The following DLG2 variants were observed in gnomAD, a reference collection of about 807,000 sequenced individuals.
DLG2 encodes discs large MAGUK scaffold protein 2.
Under a neutral mutation model 132.5 loss-of-function variants are expected in DLG2, and 45 were observed. That is an observed-to-expected ratio of 0.34 (90% confidence interval 0.27 to 0.44). The LOEUF (loss-of-function observed/expected upper bound fraction) is 0.44. Ranked by LOEUF, DLG2 falls within the 20% of genes least tolerant of loss-of-function variation. DLG2 has a pLI of 1.00. For synonymous variants in DLG2, 424 were observed against 419.6 expected (o/e 1.01, Z -0.13); for missense variants, 1,045 against 1,196.9 (o/e 0.87, Z 1.87).
intron 18 of DLG2, among the ~76,000 whole-genome samples, chr11:83,663,108 CCTGA>C (rs993948262): frequency 2.0e-5 from 3 of 152,208 alleles, no homozygotes; most frequent in East Asian, 1.9e-4. Flanking sequence ...TATCTATTTT[CCTGA>C]CTAATTTAAT....
chr11:84,821,627 T>TAAAA (rs770947930), intron 6 of DLG2, among the ~76,000 whole-genome samples: 1 of 70,940 alleles, frequency 1.4e-5, no homozygotes, highest in Non-Finnish European at 3.2e-5. Context: ...TCATACAATG[T>TAAAA]AAAAAAAAAA....
rs1375628390 is a variant in DLG2, at chr11:85,154,546, T to C, written c.282+10A>G. On this transcript the variant is annotated intron_variant, in intron 5 of 27. Coordinates refer to ENST00000376104, the MANE Select transcript of DLG2 (RefSeq NM_001142699.3). ...AGCCTAGTAAGAAAAGAAAACAGTA[T>C]AACACTTACAGTTGTCGTCTCATCA... 7.4e-7 allele frequency: 1 copy of C among 1,350,962 alleles called. No homozygotes were observed. Among genetic ancestry groups the C allele is most frequent in the East Asian group, 2.5e-5 (1 of 39,900 alleles). 83.7% of individuals were successfully genotyped at this position (1,350,962 alleles called of 1,614,324 possible).
chr11:84,747,501 G>T lies in DLG2; in HGVS notation c.358-212770C>A, dbSNP rs1035804882. 4.6e-5 allele frequency among the ~76,000 whole-genome samples: 7 copies of T among 152,276 alleles called. No homozygotes were observed. The Middle Eastern group carries it at 0.01, about 222-fold the overall frequency. Reference sequence around the variant, plus strand: ...TAGTTTTGTAATAAACTAGATATGTGATCTTGGGCAACTTAGAGACATTCC... The same window carrying T: ...TAGTTTTGTAATAAACTAGATATGTTATCTTGGGCAACTTAGAGACATTCC... On this transcript the variant is annotated intron_variant, in intron 6 of 27. Coordinates refer to ENST00000376104, the MANE Select transcript of DLG2 (RefSeq NM_001142699.3).
intron 2 of DLG2, among the ~76,000 whole-genome samples, chr11:85,618,591 A>G (rs1324772306): frequency 6.6e-6 from 1 of 152,166 alleles, no homozygotes; most frequent in African/African-American, 2.4e-5. Context: ...GACAGGAACA[A>G]TAGACACTAC....
In DLG2 at chr11:85,259,505, C is replaced by T. The variant is rs2076833555; in HGVS notation, c.186+25715G>A. On this transcript the variant is annotated intron_variant, in intron 4 of 27. Coordinates refer to ENST00000376104, the MANE Select transcript of DLG2 (RefSeq NM_001142699.3). ...TTAAGACTAATTCCACCATGTCAGC[C>T]ATGGACAATCCAGCTGACCCTCCCA... Among the ~76,000 whole-genome samples the T allele has an allele frequency of 2.0e-5, 3 of 152,048 alleles. No individual in the cohort carries two copies. In the South Asian group the frequency reaches 6.2e-4, roughly 32 times the overall value.
chr11:83,878,997 ACT>A (rs1458208862), intron 15 of DLG2, among the ~76,000 whole-genome samples: 1 of 152,090 alleles, frequency 6.6e-6, no homozygotes, highest in African/African-American at 2.4e-5. Flanking sequence ...CTTTCCAAGA[ACT>A]CTCTGATTTT....
In DLG2 at chr11:84,896,625, C is replaced by T. The variant is rs548733619; in HGVS notation, c.357+215036G>A. Among the ~76,000 whole-genome samples the T allele has an allele frequency of 1.6e-4, 24 of 152,116 alleles. No homozygotes were observed. The South Asian group carries it at 4.8e-3, about 30-fold the overall frequency. On this transcript the variant is annotated intron_variant, in intron 6 of 27. Coordinates refer to ENST00000376104, the MANE Select transcript of DLG2 (RefSeq NM_001142699.3). The stretch of plus-strand genomic sequence containing the variant: ...ATGATGCATATGAAAACAGCATAAA[C>T]AGAGATAGTAGTTGCCACTTATCCA...
intron 3 of DLG2, among the ~76,000 whole-genome samples, chr11:85,422,755 T>C (rs955940270): frequency 2.6e-5 from 4 of 152,074 alleles, no homozygotes; most frequent in Non-Finnish European, 4.4e-5. Flanking sequence ...CCTCCCAAGG[T>C]TCTAGGACTA....
At chr11:85,324,424 G>T (rs549726023) in intron 3 of DLG2, among the ~76,000 whole-genome samples, 68 of 152,210 alleles carry the variant, frequency 4.5e-4, no homozygotes, top group African/African-American at 1.6e-3. Flanking sequence ...TATATGTTGA[G>T]TTGAATTTAA....
intron 4 of DLG2, among the ~76,000 whole-genome samples, chr11:85,177,437 A>C (rs2079370310): frequency 6.6e-6 from 1 of 152,066 alleles, no homozygotes; most frequent in African/African-American, 2.4e-5. Flanking sequence ...ACCAAATACC[A>C]CATGTTCTCA....
intron 10 of DLG2, among the ~76,000 whole-genome samples, chr11:84,073,899 C>A (rs895040644): frequency 2.6e-5 from 4 of 152,140 alleles, no homozygotes. Context: ...AAAAGCCAAC[C>A]AACATATACG....
chr11:84,970,944 C>A (rs3911271), intron 6 of DLG2, among the ~76,000 whole-genome samples: 77,952 of 151,920 alleles, frequency 0.51, 20,492 homozygotes, highest in East Asian at 0.64. Context: ...ATTTTCAATA[C>A]TTATTGAATA....
At chr11:84,471,961 A>G (rs1484712073) in intron 7 of DLG2, among the ~76,000 whole-genome samples, 1 of 151,638 alleles carries the variant, frequency 6.6e-6, no homozygotes. Flanking sequence ...TTTAAAATTA[A>G]GGAAAAAAAA....
At chr11:83,651,772 A>G (rs887292078) in intron 18 of DLG2, 1 of 467,672 alleles carries the variant, frequency 2.1e-6, no homozygotes, top group Admixed American at 2.4e-5. Flanking sequence ...TCTAATAGGG[A>G]GACATGTAAA....
chr11:85,399,310 GC>G (rs554676320), intron 3 of DLG2, among the ~76,000 whole-genome samples: 134 of 152,290 alleles, frequency 8.8e-4, no homozygotes, highest in African/African-American at 3.1e-3. Context: ...AACATTCCAT[GC>G]TCATGGGTAG....
chr11:84,107,821 T>C (rs2093073474), intron 9 of DLG2, among the ~76,000 whole-genome samples: 1 of 152,170 alleles, frequency 6.6e-6, no homozygotes, highest in East Asian at 1.9e-4. Context: ...GGGAAAGGTC[T>C]AGAATGAAGT....
At chr11:84,762,919 C>T (rs1236336659) in intron 6 of DLG2, among the ~76,000 whole-genome samples, 1 of 152,006 alleles carries the variant, frequency 6.6e-6, no homozygotes, top group East Asian at 1.9e-4. Flanking sequence ...GACACAGATG[C>T]ATGGAAGGTT....
intron 7 of DLG2, among the ~76,000 whole-genome samples, chr11:84,521,643 G>A (rs1292061317): frequency 6.6e-6 from 1 of 152,110 alleles, no homozygotes; most frequent in East Asian, 1.9e-4. Flanking sequence ...CTAAACTAAA[G>A]CAAGGTATCA....
At position 84,848,936 on chromosome 11, in the gene DLG2, A is replaced by G. The variant is rs76032092; in HGVS notation, c.357+262725T>C. 3.9e-3 allele frequency among the ~76,000 whole-genome samples: 589 copies of G among 152,318 alleles called. 2 individuals carry two copies. The highest frequency in any genetic ancestry group is 3.2e-3 in the African/African-American group (131 of 41,586). Reference sequence around the variant, plus strand: ...CTGGGACTTATATTAATCAATATACATAACAGAGGTAATACAGTGCCAGCT... The same window carrying G: ...CTGGGACTTATATTAATCAATATACGTAACAGAGGTAATACAGTGCCAGCT... On this transcript the variant is annotated intron_variant, in intron 6 of 27. Coordinates refer to ENST00000376104, the MANE Select transcript of DLG2 (RefSeq NM_001142699.3).
Sources: gnomAD v4.1 joint callset for allele counts (sites outside exome capture counted in the v4.1 genomes callset) on GRCh38, gnomAD v4.1.1 for gene constraint, MANE v1.5 for transcripts, NCBI Gene and HGNC (gene_info 2026-07-23, HGNC 2026-07-21) for gene names.